TNIK: variants seen among roughly 807,000 people sequenced by gnomAD.
The protein encoded by TNIK is TRAF2 and NCK interacting kinase, also known as TRAF2 and NCK-interacting protein kinase.
TNIK carries 49 observed loss-of-function variants against 191.3 expected under a neutral mutation model. The observed-to-expected ratio is 0.26, with a 90% CI of 0.20 to 0.32. TNIK has a LOEUF of 0.32. Among genes scored for constraint, TNIK ranks in the 10% least tolerant of loss-of-function variants. TNIK has a pLI of 1.00. For missense variants in TNIK, 1,155 were observed against 1,702.3 expected (o/e 0.68, Z 5.66); for synonymous variants, 594 against 600.9 (o/e 0.99, Z 0.17).
At chr3:171,151,827 C>T (rs1560186695) in intron 12 of TNIK, among the ~76,000 whole-genome samples, 1 of 152,192 alleles carries the variant, frequency 6.6e-6, no homozygotes, top group South Asian at 2.1e-4. Flanking sequence ...GCTTCCCCAC[C>T]ACCTCACCAC....
intron 5 of TNIK, 55 bp downstream of exon 5, chr3:171,194,470 A>G: frequency 6.8e-7 from 1 of 1,466,630 alleles, no homozygotes. Flanking sequence ...CTCATAAGAT[A>G]TCATGTGTTG....
chr3:171,321,432 TAA>T (rs1203705084), intron 2 of TNIK, among the ~76,000 whole-genome samples: 1 of 152,170 alleles, frequency 6.6e-6, no homozygotes, highest in Non-Finnish European at 1.5e-5. Flanking sequence ...GAAAACTGTA[TAA>T]AGAGCATAAA....
intron 1 of TNIK, among the ~76,000 whole-genome samples, chr3:171,371,086 G>A (rs1248719568): frequency 6.6e-6 from 1 of 152,078 alleles, no homozygotes; most frequent in East Asian, 1.9e-4. Flanking sequence ...CTGCAGGGAT[G>A]ACATCTACCT....
intron 1 of TNIK, among the ~76,000 whole-genome samples, chr3:171,443,752 A>C (rs2108698774): frequency 6.6e-6 from 1 of 152,296 alleles, no homozygotes; most frequent in South Asian, 2.1e-4. Flanking sequence ...TGTACCCAGA[A>C]GTTTGAGGCT....
intron 5 of TNIK, among the ~76,000 whole-genome samples, chr3:171,192,635 C>A (rs1279580558): frequency 1.3e-5 from 2 of 152,196 alleles, no homozygotes; most frequent in African/African-American, 4.8e-5. Flanking sequence ...GGTTCCCCAG[C>A]AGTGCAGAAA....
intron 2 of TNIK, among the ~76,000 whole-genome samples, chr3:171,365,732 T>G (rs190199093): frequency 1.3e-3 from 192 of 152,332 alleles, no homozygotes; most frequent in African/African-American, 4.3e-3. Context: ...AAGACTCTTA[T>G]AGCATGCTGG....
chr3:171,369,704 A>G lies in TNIK; in HGVS notation c.58-19T>C. The G allele has an allele frequency of 6.5e-7, 1 of 1,545,114 alleles. No homozygotes were observed. The highest frequency in any genetic ancestry group is 2.0e-5 in the Admixed American group (1 of 51,066). On this transcript the variant is annotated intron_variant, in intron 1 of 32. Transcript: ENST00000436636. The stretch of plus-strand genomic sequence containing the variant: ...CGGGGTCCTGAAAGAAAATAAACAA[A>G]CAATAAAAATTCAAAACAATATTCC...
At position 171,384,701 on chromosome 3, in the gene TNIK, C is replaced by T. The variant is rs539738804; in HGVS notation, c.58-15016G>A. Among the ~76,000 whole-genome samples, 7 of 152,300 alleles carry T rather than the reference C, an allele frequency of 4.6e-5. No homozygotes were observed. In the South Asian group the frequency reaches 1.5e-3, roughly 32 times the overall value. On this transcript the variant is annotated intron_variant, in intron 1 of 32. Coordinates refer to ENST00000436636, the MANE Select transcript of TNIK (RefSeq NM_015028.4). The stretch of plus-strand genomic sequence containing the variant: ...TTTTAAAGGATTCAGATATTTATGG[C>T]ATGAGCTGGCCCTCAAGTGACATGT...
At chr3:171,105,067 C>T (rs1724544527) in intron 21 of TNIK, among the ~76,000 whole-genome samples, 1 of 149,680 alleles carries the variant, frequency 6.7e-6, no homozygotes, top group African/African-American at 2.6e-5. Context: ...TTAATGTACA[C>T]TCCCCCAAAT....
chr3:171,241,815 C>T (rs1174061992), intron 2 of TNIK, among the ~76,000 whole-genome samples: 1 of 152,080 alleles, frequency 6.6e-6, no homozygotes, highest in African/African-American at 2.4e-5. Flanking sequence ...GGCACATATA[C>T]ACCATGGAAT....
At chr3:171,306,408 T>C (rs1461468322) in intron 2 of TNIK, among the ~76,000 whole-genome samples, 4 of 152,144 alleles carry the variant, frequency 2.6e-5, no homozygotes, top group Non-Finnish European at 5.9e-5. Context: ...ATATTTCATA[T>C]GGATATTCAT....
chr3:171,354,845 C>G (rs1193269089), intron 2 of TNIK, among the ~76,000 whole-genome samples: 1 of 152,188 alleles, frequency 6.6e-6, no homozygotes, highest in Non-Finnish European at 1.5e-5. Context: ...GCACATCTGA[C>G]CATAGTATTA....
chr3:171,445,436 A>AG (rs1727381466), intron 1 of TNIK, among the ~76,000 whole-genome samples: 2 of 151,418 alleles, frequency 1.3e-5, no homozygotes, highest in Admixed American at 6.6e-5. Flanking sequence ...AAAAAAAAAA[A>AG]GTTGAGAGAG....
intron 2 of TNIK, among the ~76,000 whole-genome samples, chr3:171,255,985 T>C (rs1411383041): frequency 6.6e-6 from 1 of 152,106 alleles, no homozygotes; most frequent in African/African-American, 2.4e-5. Flanking sequence ...GGCAGTTGTA[T>C]AGAACCACAG....
intron 3 of TNIK, among the ~76,000 whole-genome samples, chr3:171,219,377 T>C (rs1371693512): frequency 1.3e-5 from 2 of 148,184 alleles, no homozygotes; most frequent in Non-Finnish European, 3.0e-5. Context: ...TATATAATGA[T>C]ATACATATAA....
chr3:171,417,759 C>T (rs1723277855), intron 1 of TNIK, among the ~76,000 whole-genome samples: 1 of 152,106 alleles, frequency 6.6e-6, no homozygotes. Context: ...TCCCCAAGCC[C>T]ACCACCTCAC....
At chr3:171,258,303 G>A (rs1206687970) in intron 2 of TNIK, among the ~76,000 whole-genome samples, 1 of 152,086 alleles carries the variant, frequency 6.6e-6, no homozygotes, top group Admixed American at 6.5e-5. Context: ...ACATCACAAA[G>A]GGCCTTCAGC....
intron 23 of TNIK, among the ~76,000 whole-genome samples, chr3:171,089,052 CTTCTT>C (rs1277329354): frequency 6.6e-6 from 1 of 152,170 alleles, no homozygotes; most frequent in Non-Finnish European, 1.5e-5. Context: ...AAAGGAGGCA[CTTCTT>C]TTCTTTTTTC....
intron 2 of TNIK, among the ~76,000 whole-genome samples, chr3:171,306,667 G>T (rs1156625969): frequency 6.6e-6 from 1 of 152,036 alleles, no homozygotes; most frequent in Non-Finnish European, 1.5e-5. Context: ...ATTATATTTG[G>T]ATTCCAAGTG....
Sources: allele counts gnomAD v4.1 joint callset (sites outside exome capture counted in the v4.1 genomes callset), GRCh38; gene constraint gnomAD v4.1.1; transcripts MANE v1.5; gene names NCBI Gene and HGNC (gene_info 2026-07-23, HGNC 2026-07-21).